The following TMEM154 variants were observed in gnomAD, a reference collection of about 807,000 sequenced individuals.
TMEM154 encodes the protein transmembrane protein 154.
TMEM154 carries 27 observed loss-of-function variants against 24.5 expected under a neutral mutation model. That is an observed-to-expected ratio of 1.10 (90% CI 0.81 to 1.52). The LOEUF (loss-of-function observed/expected upper bound fraction) is 1.52. Among genes scored for constraint, TMEM154 ranks in the 40% most tolerant of loss-of-function variants. The pLI is 0.00. For synonymous variants in TMEM154, 67 were observed against 76.8 expected (o/e 0.87, Z 0.67); for missense variants, 228 against 213.4 (o/e 1.07, Z -0.43).
intron 4 of TMEM154, among the ~76,000 whole-genome samples, chr4:152,644,028 C>T (rs532856595): frequency 6.6e-6 from 1 of 152,126 alleles, no homozygotes; most frequent in East Asian, 1.9e-4. Flanking sequence ...GACCAGGGCT[C>T]CCTGCTAAAT....
chr4:152,628,489 C>A lies in TMEM154; in HGVS notation c.*57G>T. ...TATCCTCTTCATCCTCTGTTGGCAGCCTCAGCAGACTCCCTCAGGGGCTGC... is the reference window on the plus strand; with the variant it reads ...TATCCTCTTCATCCTCTGTTGGCAGACTCAGCAGACTCCCTCAGGGGCTGC... On this transcript the variant is annotated 3_prime_UTR_variant, in exon 7 of 7. Coordinates refer to ENST00000304385, the MANE Select transcript of TMEM154 (RefSeq NM_152680.3). The A allele has an allele frequency of 1.3e-6, 2 of 1,509,994 alleles. No individual in the cohort carries two copies. The highest frequency in any genetic ancestry group is 2.2e-5 in the South Asian group (2 of 89,950). The allele number at this position is 1,509,994 out of a possible 1,614,324, so 93.5% of individuals were successfully genotyped here.
At chr4:152,662,810 T>C (rs1030605914) in intron 1 of TMEM154, among the ~76,000 whole-genome samples, 32 of 152,272 alleles carry the variant, frequency 2.1e-4, no homozygotes, top group African/African-American at 7.5e-4. Context: ...GTCCAGCCAC[T>C]GTGGAGGAAG....
chr4:152,652,593 A>C lies in TMEM154; in HGVS notation c.326-17T>G, dbSNP rs371520871. 4 of 1,613,928 alleles carry C rather than the reference A, an allele frequency of 2.5e-6. No homozygotes were observed. The highest frequency in any genetic ancestry group is 3.4e-6 in the Non-Finnish European group (4 of 1,180,002). The stretch of plus-strand genomic sequence containing the variant: ...TAGAAGGTTCTGTATCAAAGCAAAG[A>C]ATATTTTGTTTTATTGATTGTTCAC... On this transcript the variant is annotated splice_polypyrimidine_tract_variant and intron_variant, in intron 2 of 6. Transcript: ENST00000304385.
chr4:152,628,380 G>T lies in TMEM154; in HGVS notation c.*166C>A. On this transcript the variant is annotated 3_prime_UTR_variant, in exon 7 of 7. Transcript: ENST00000304385. Reference sequence around the variant, plus strand: ...ATTGCACATTCTTCCAAGTGCAAGTGATGCCATCATTAGGAAGAGTGGGCG... The same window carrying T: ...ATTGCACATTCTTCCAAGTGCAAGTTATGCCATCATTAGGAAGAGTGGGCG... 3.5e-6 allele frequency: 4 copies of T among 1,149,626 alleles called. No individual in the cohort carries two copies. Among genetic ancestry groups the T allele is most frequent in the Non-Finnish European group, 5.1e-6 (4 of 781,786 alleles). 71.2% of individuals were successfully genotyped at this position (1,149,626 alleles called of 1,614,324 possible).
chr4:152,640,889 C>CCCCCAAAAAAAG, intron 6 of TMEM154, 39 bp downstream of exon 6: 2 of 1,318,078 alleles, frequency 1.5e-6, no homozygotes, highest in Non-Finnish European at 2.2e-6. Flanking sequence ...CCCCGCCCCC[C>CCCCCAAAAAAAG]GCCATATACA....
At chr4:152,655,483 G>C (rs1323982373) in intron 1 of TMEM154, among the ~76,000 whole-genome samples, 1 of 152,140 alleles carries the variant, frequency 6.6e-6, no homozygotes, top group African/African-American at 2.4e-5. Flanking sequence ...GCCACTTTGA[G>C]GGCCCAGCCC....
At chr4:152,664,824 G>A (rs886280504) in intron 1 of TMEM154, among the ~76,000 whole-genome samples, 4 of 152,282 alleles carry the variant, frequency 2.6e-5, no homozygotes, top group African/African-American at 9.6e-5. Flanking sequence ...CATGTCAGAT[G>A]TCAAGCCCTC....
intron 1 of TMEM154, among the ~76,000 whole-genome samples, chr4:152,660,124 A>C (rs34376792): frequency 0.43 from 66,087 of 151,944 alleles, 14,863 homozygotes; most frequent in Admixed American, 0.6. Flanking sequence ...TTGATATATC[A>C]TGTATCACCC....
intron 1 of TMEM154, among the ~76,000 whole-genome samples, chr4:152,655,430 C>T (rs967859717): frequency 4.6e-5 from 7 of 152,324 alleles, no homozygotes; most frequent in African/African-American, 9.6e-5. Context: ...GGACCTTATG[C>T]GGAGTCCCAC....
At chr4:152,659,764 A>G (rs1728559124) in intron 1 of TMEM154, among the ~76,000 whole-genome samples, 1 of 152,210 alleles carries the variant, frequency 6.6e-6, no homozygotes, top group African/African-American at 2.4e-5. Flanking sequence ...AAGGCCCTAG[A>G]AGATGCCTGA....
chr4:152,644,535 A>G (rs879548951), intron 3 of TMEM154, 93 bp from the exon 4 acceptor site: 7 of 1,257,114 alleles, frequency 5.6e-6, no homozygotes, highest in Non-Finnish European at 8.1e-6. Context: ...TTACAAAGAG[A>G]GCAAAATGAC....
At chr4:152,655,883 C>CTA (rs1459557333) in intron 1 of TMEM154, among the ~76,000 whole-genome samples, 2 of 152,146 alleles carry the variant, frequency 1.3e-5, no homozygotes, top group East Asian at 3.9e-4. Context: ...TCACCCCTAC[C>CTA]TATTACAGCC....
At chr4:152,659,373 T>A (rs1579528495) in intron 1 of TMEM154, among the ~76,000 whole-genome samples, 1 of 152,120 alleles carries the variant, frequency 6.6e-6, no homozygotes, top group South Asian at 2.1e-4. Flanking sequence ...GGTGTGTGGG[T>A]AAGAGTAGGG....
intron 1 of TMEM154, among the ~76,000 whole-genome samples, chr4:152,661,495 C>A (rs1191892945): frequency 6.6e-6 from 1 of 152,112 alleles, no homozygotes; most frequent in African/African-American, 2.4e-5. Flanking sequence ...GAAACTGAAT[C>A]TTGAATGTCT....
Position 152,674,358 on chromosome 4 carries a change from G to A in TMEM154, c.64+5512C>T, listed in dbSNP as rs1277895860. ...TGAAATGACTTTGGCAAAGTTCAGA[G>A]TCAGGTCAGCTACCCCAGGCTGATC... On this transcript the variant is annotated intron_variant, in intron 1 of 6. Coordinates refer to ENST00000304385, the MANE Select transcript of TMEM154 (RefSeq NM_152680.3). Among the ~76,000 whole-genome samples, 3 of 152,248 alleles carry A rather than the reference G, an allele frequency of 2.0e-5. No homozygotes were observed. The East Asian group carries it at 5.8e-4, about 29-fold the overall frequency.
intron 1 of TMEM154, among the ~76,000 whole-genome samples, chr4:152,677,809 T>C (rs974145165): frequency 6.6e-6 from 1 of 152,236 alleles, no homozygotes; most frequent in African/African-American, 2.4e-5. Context: ...TAGGGATGAT[T>C]TTCATATTTA....
chr4:152,669,070 T>C (rs1728778333), intron 1 of TMEM154: 1 of 152,176 alleles, frequency 6.6e-6, no homozygotes, highest in Non-Finnish European at 1.5e-5. Flanking sequence ...TCAACCTCTC[T>C]TGTGCATTTA....
intron 3 of TMEM154, among the ~76,000 whole-genome samples, chr4:152,646,382 C>T (rs1445114397): frequency 6.6e-6 from 1 of 152,140 alleles, no homozygotes; most frequent in Non-Finnish European, 1.5e-5. Context: ...CCTCATCTTC[C>T]CTGCTCCATG....
At chr4:152,661,056 A>G (rs1753625123) in intron 1 of TMEM154, among the ~76,000 whole-genome samples, 1 of 152,228 alleles carries the variant, frequency 6.6e-6, no homozygotes, top group Admixed American at 6.5e-5. Context: ...AGAAACGGAA[A>G]GAAGCATACC....
Sources: allele counts gnomAD v4.1 joint callset (sites outside exome capture counted in the v4.1 genomes callset), GRCh38; gene constraint gnomAD v4.1.1; transcripts MANE v1.5; gene names NCBI Gene and HGNC (gene_info 2026-07-23, HGNC 2026-07-21).